The following WDR86 variants were observed in gnomAD, a reference collection of about 807,000 sequenced individuals.
The protein encoded by WDR86 is WD repeat domain 86.
WDR86 carries 30 observed loss-of-function variants against 36.5 expected under a neutral mutation model. The ratio of observed to expected loss-of-function variants is 0.82; its 90% CI spans 0.61 to 1.11. WDR86 has a LOEUF of 1.11. Ranked by LOEUF, WDR86 falls within the 50% of genes most tolerant of loss-of-function variation. The pLI is 0.00. For missense variants in WDR86, 545 were observed against 561.2 expected (o/e 0.97, Z 0.29); for synonymous variants, 255 against 252.9 (o/e 1.01, Z -0.08).
At position 151,405,907 on chromosome 7, in the gene WDR86, C is replaced by T. The variant is rs1800671188; in HGVS notation, c.163+3520G>A. ...TGGGACAGCCACAGTGGGCTGCCAC[C>T]TTCAGGCTGAGTCCCCTACTCAACA... On this transcript the variant is annotated intron_variant, in intron 1 of 5. Transcript: ENST00000334493. This position sits in a 1 kb window ranked among gnomAD's most constrained non-coding sequence, Gnocchi z 4.7. 6.6e-6 allele frequency among the ~76,000 whole-genome samples: 1 copy of T among 152,220 alleles called. No individual in the cohort carries two copies. The highest frequency in any genetic ancestry group is 2.4e-5 in the African/African-American group (1 of 41,452).
chr7:151,394,485 G>A (rs1799663750), intron 3 of WDR86, among the ~76,000 whole-genome samples: 1 of 152,236 alleles, frequency 6.6e-6, no homozygotes, highest in Non-Finnish European at 1.5e-5. Context: ...GGTGCTGGTA[G>A]CAATGCACCC....
chr7:151,382,382 A>G (rs908100388), intron 4 of WDR86, among the ~76,000 whole-genome samples: 1 of 151,990 alleles, frequency 6.6e-6, no homozygotes, highest in African/African-American at 2.4e-5. Context: ...TCGGCACTCA[A>G]ATCAAAGCCC....
chr7:151,398,418 G>A (rs975744257), intron 2 of WDR86, among the ~76,000 whole-genome samples: 4 of 78,616 alleles, frequency 5.1e-5, no homozygotes, highest in African/African-American at 8.3e-5. Context: ...TATGTTGTGC[G>A]TGTGTGCACA....
downstream of WDR86, chr7:151,376,764 C>CAGA (rs914306281): frequency 1.3e-6 from 2 of 1,595,666 alleles, no homozygotes; most frequent in African/African-American, 2.7e-5. Context: ...CCGCTGTCGC[C>CAGA]AGAAGACTCT....
chr7:151,374,288 G>T, downstream of WDR86: 1 of 1,546,836 alleles, frequency 6.5e-7, no homozygotes, highest in South Asian at 1.2e-5. Flanking sequence ...TGAGCAGTGG[G>T]TCCTGCCCAG....
downstream of WDR86, chr7:151,374,030 G>A: frequency 5.4e-6 from 8 of 1,480,380 alleles, no homozygotes; most frequent in Non-Finnish European, 7.2e-6. Context: ...ATCCTGCAGA[G>A]CGCAGACTGA....
chr7:151,390,423 G>A lies in WDR86; in HGVS notation c.727-5200C>T, dbSNP rs1025360599. ...TCCGGAAGTTGCACAGCGTCCTGAC[G>A]CTGTGGGCAGAGGGGATGGTACGGC... On this transcript the variant is annotated intron_variant, in intron 3 of 5. Transcript: ENST00000334493. The surrounding 1 kb of genome is among the most constrained non-coding windows in gnomAD (Gnocchi z 4.5). Among the ~76,000 whole-genome samples, 5 of 152,192 alleles carry A rather than the reference G, an allele frequency of 3.3e-5. No individual in the cohort carries two copies. The highest frequency in any genetic ancestry group is 9.7e-5 in the African/African-American group (4 of 41,450).
chr7:151,394,513 G>T (rs1218015828), intron 3 of WDR86, among the ~76,000 whole-genome samples: 1 of 152,222 alleles, frequency 6.6e-6, no homozygotes, highest in East Asian at 1.9e-4. Flanking sequence ...TTGCCGCAGG[G>T]GTCGGACCTG....
At chr7:151,372,422 T>C (rs1232977518), downstream of WDR86, among the ~76,000 whole-genome samples, 1 of 152,246 alleles carries the variant, frequency 6.6e-6, no homozygotes, top group Non-Finnish European at 1.5e-5. Flanking sequence ...TGTTAGGTAA[T>C]GCCCAGGTCC....
At position 151,381,600 on chromosome 7, in the gene WDR86, C is replaced by A. The variant is rs1798569980; in HGVS notation, c.1113G>T (p.Ala371=). 6.6e-6 allele frequency: 9 copies of A among 1,371,238 alleles called. No individual in the cohort carries two copies. The highest frequency in any genetic ancestry group is 1.5e-5 in the African/African-American group (1 of 65,146). 84.9% of individuals were successfully genotyped at this position (1,371,238 alleles called of 1,614,324 possible). ...LFSNKVGCAA[A]PLQPA is the part of the protein sequence containing the mutation. The stretch of plus-strand genomic sequence containing the variant: ...CGCGGGATCAGGCCGGCTGCAGGGG[C>A]GCGGCGGCGCAGCCCACCTTGTTGC... The change falls in exon 6 of 6, where the codon GCG becomes GCT. Residue 371 remains alanine, a synonymous_variant. Transcript: ENST00000334493. The surrounding 1 kb of genome is among the most constrained non-coding windows in gnomAD (Gnocchi z 4.8).
At chr7:151,380,877 G>T (rs946435400), downstream of WDR86, among the ~76,000 whole-genome samples, 1 of 150,558 alleles carries the variant, frequency 6.6e-6, no homozygotes, top group Non-Finnish European at 1.5e-5. Flanking sequence ...CCCAAGCAGG[G>T]TCCCCGCTGT....
At chr7:151,377,353 G>A, downstream of WDR86, 1 of 597,992 alleles carries the variant, frequency 1.7e-6, no homozygotes, top group Non-Finnish European at 2.8e-6. Flanking sequence ...GAGGGGGTGG[G>A]CAGGGGACAA....
downstream of WDR86, chr7:151,375,897 A>C (rs1207942757): frequency 3.7e-6 from 6 of 1,613,454 alleles, no homozygotes; most frequent in Non-Finnish European, 4.2e-6. Context: ...TCCAATCCTG[A>C]AACCGACAAC....
At chr7:151,384,227 T>C (rs1026839031) in intron 4 of WDR86, among the ~76,000 whole-genome samples, 11 of 152,236 alleles carry the variant, frequency 7.2e-5, no homozygotes, top group Admixed American at 3.9e-4. Flanking sequence ...TTGAGACCTG[T>C]AGGACAGACA....
downstream of WDR86, among the ~76,000 whole-genome samples, chr7:151,372,133 C>T (rs1252301083): frequency 1.3e-5 from 2 of 152,214 alleles, no homozygotes; most frequent in Non-Finnish European, 2.9e-5. Flanking sequence ...TCGGCATGGC[C>T]AGGCCGTGAG....
chr7:151,380,345 C>T (rs1446554980), downstream of WDR86, among the ~76,000 whole-genome samples: 1 of 152,228 alleles, frequency 6.6e-6, no homozygotes, highest in Non-Finnish European at 1.5e-5. Flanking sequence ...CCCCGGCCGT[C>T]TCTGATGAAG....
chr7:151,384,640 G>A (rs1318865641), intron 4 of WDR86, among the ~76,000 whole-genome samples: 1 of 152,230 alleles, frequency 6.6e-6, no homozygotes, highest in Non-Finnish European at 1.5e-5. Flanking sequence ...ACCAGCCTCT[G>A]AAATTCTTCT....
At chr7:151,397,682 C>A (rs543447252) in intron 2 of WDR86, among the ~76,000 whole-genome samples, 3 of 49,382 alleles carry the variant, frequency 6.1e-5, no homozygotes, top group African/African-American at 1.7e-4. Context: ...AAGAGCATAG[C>A]GGGAGGAAGA....
intron 1 of WDR86, among the ~76,000 whole-genome samples, chr7:151,404,518 G>A (rs1055641858): frequency 3.3e-5 from 5 of 152,170 alleles, no homozygotes; most frequent in African/African-American, 1.2e-4. Flanking sequence ...TCACCCTAGC[G>A]GGGAGGAGGC....
Sources: gnomAD v4.1 joint callset for allele counts (sites outside exome capture counted in the v4.1 genomes callset) on GRCh38, gnomAD v4.1.1 for gene constraint, Gnocchi (gnomAD v3.1) non-coding constraint, MANE v1.5 for transcripts, NCBI Gene and HGNC (gene_info 2026-07-23, HGNC 2026-07-21) for gene names.